RSRC1: variants seen among roughly 807,000 people sequenced by gnomAD.
RSRC1 encodes arginine and serine rich coiled-coil 1.
RSRC1 carries 39 observed loss-of-function variants against 49.1 expected under a neutral mutation model. That is an observed-to-expected ratio of 0.79 (90% CI 0.61 to 1.04). The LOEUF (loss-of-function observed/expected upper bound fraction) is 1.04, where lower values mean the gene tolerates loss of function less well. RSRC1 is among the 50% of genes least tolerant of loss of function. The pLI, the probability that RSRC1 is intolerant of heterozygous loss-of-function variation, is 0.00. For synonymous variants in RSRC1, 143 were observed against 130.8 expected, an observed-to-expected ratio of 1.09 and a Z score of -0.63; for missense variants, 388 against 402.4, an observed-to-expected ratio of 0.96 and a Z score of 0.31.
chr3:158,402,545 A>T (rs1733945324), intron 6 of RSRC1, among the ~76,000 whole-genome samples: 1 of 151,848 alleles, frequency 6.6e-6, no homozygotes, highest in Non-Finnish European at 1.5e-5. Context: ...CCTAAAAATA[A>T]ACTAGTAGAA....
At chr3:158,254,394 C>T (rs1432865672) in intron 4 of RSRC1, among the ~76,000 whole-genome samples, 8 of 152,024 alleles carry the variant, frequency 5.3e-5, no homozygotes, top group East Asian at 1.9e-4. Context: ...AGTGTAAAAG[C>T]GTTTCTATTT....
intron 6 of RSRC1, among the ~76,000 whole-genome samples, chr3:158,428,654 G>A (rs1735597738): frequency 6.6e-6 from 1 of 151,844 alleles, no homozygotes; most frequent in South Asian, 2.1e-4. Flanking sequence ...CTGCGAATTG[G>A]CACATAACGT....
At chr3:158,221,839 T>C (rs1578210969) in intron 4 of RSRC1, among the ~76,000 whole-genome samples, 1 of 151,660 alleles carries the variant, frequency 6.6e-6, no homozygotes, top group Non-Finnish European at 1.5e-5. Flanking sequence ...TACTTAATTT[T>C]TTTAAAAGAG....
chr3:158,257,845 A>G (rs1196337469), intron 4 of RSRC1, among the ~76,000 whole-genome samples: 1 of 152,142 alleles, frequency 6.6e-6, no homozygotes, highest in Admixed American at 6.5e-5. Context: ...TGAAAATAAT[A>G]TAACTCATTA....
Position 158,543,244 on chromosome 3 carries a change from T to C in RSRC1, c.760-91T>C, listed in dbSNP as rs1227166431. 5 of 1,175,464 alleles carry C rather than the reference T, an allele frequency of 4.3e-6. No homozygotes were observed. In the African/African-American group the frequency reaches 4.8e-5, roughly 11 times the overall value. The allele number at this position is 1,175,464 out of a possible 1,614,324, so 72.8% of individuals were successfully genotyped here. A position where few individuals can be genotyped will look rare whatever the true frequency, so the allele number is the denominator to read the frequency against. ...TGGGTATCATCTCAAAGGAGACTAATTGAACAGTTGTTATTCAAAATCAGA... is the reference window on the plus strand; with the variant it reads ...TGGGTATCATCTCAAAGGAGACTAACTGAACAGTTGTTATTCAAAATCAGA... On this transcript the variant is annotated intron_variant, in intron 8 of 9. Transcript: ENST00000611884.
intron 5 of RSRC1, among the ~76,000 whole-genome samples, chr3:158,311,420 C>T (rs568394940): frequency 1.3e-5 from 2 of 151,674 alleles, no homozygotes; most frequent in Admixed American, 1.3e-4. Flanking sequence ...TTTTTAAATC[C>T]AGCCTTTAAT....
At chr3:158,341,151 A>G (rs891175587) in intron 5 of RSRC1, among the ~76,000 whole-genome samples, 1 of 152,152 alleles carries the variant, frequency 6.6e-6, no homozygotes, top group Non-Finnish European at 1.5e-5. Flanking sequence ...CAGCCTGACT[A>G]CGCAATAGAA....
At chr3:158,137,631 CAA>C (rs1160561360) in intron 3 of RSRC1, among the ~76,000 whole-genome samples, 2 of 148,804 alleles carry the variant, frequency 1.3e-5, no homozygotes, top group Non-Finnish European at 3.0e-5. Flanking sequence ...TGTCTAGTGA[CAA>C]AATAGGTGAC....
intron 4 of RSRC1, among the ~76,000 whole-genome samples, chr3:158,279,418 A>G (rs1345642575): frequency 6.6e-6 from 1 of 152,258 alleles, no homozygotes; most frequent in Non-Finnish European, 1.5e-5. Flanking sequence ...CCAGACATTT[A>G]AGAATGTAAA....
chr3:158,117,880 T>TC, intron 1 of RSRC1, among the ~76,000 whole-genome samples: 1 of 150,058 alleles, frequency 6.7e-6, no homozygotes, highest in African/African-American at 2.5e-5. Context: ...TGTCTGTCTC[T>TC]TTTTCTTTCT....
chr3:158,258,692 T>C (rs1256927796), intron 4 of RSRC1, among the ~76,000 whole-genome samples: 1 of 152,174 alleles, frequency 6.6e-6, no homozygotes, highest in Non-Finnish European at 1.5e-5. Context: ...ATTTGCCCTT[T>C]TGGGGCTATT....
chr3:158,192,407 G>A (rs1416981651), intron 3 of RSRC1, among the ~76,000 whole-genome samples: 3 of 152,046 alleles, frequency 2.0e-5, no homozygotes, highest in African/African-American at 7.2e-5. Flanking sequence ...TTGGAAAATG[G>A]CAGGCATATG....
chr3:158,217,841 G>A (rs944534003), intron 4 of RSRC1, among the ~76,000 whole-genome samples: 1 of 151,400 alleles, frequency 6.6e-6, no homozygotes, highest in Non-Finnish European at 1.5e-5. Context: ...TAAGACATGT[G>A]TAGTGCTTTG....
chr3:158,335,152 A>G (rs560425983), intron 5 of RSRC1, among the ~76,000 whole-genome samples: 1 of 152,228 alleles, frequency 6.6e-6, no homozygotes, highest in Non-Finnish European at 1.5e-5. Flanking sequence ...ATTTTGCAAG[A>G]ATAGAGAGGT....
At chr3:158,150,732 G>A (rs1717478490) in intron 3 of RSRC1, among the ~76,000 whole-genome samples, 1 of 152,128 alleles carries the variant, frequency 6.6e-6, no homozygotes, top group Admixed American at 6.5e-5. Context: ...AATCTGTGGA[G>A]TTTTGGAAAT....
intron 6 of RSRC1, among the ~76,000 whole-genome samples, chr3:158,357,600 T>C (rs956491081): frequency 6.6e-6 from 1 of 152,168 alleles, no homozygotes; most frequent in African/African-American, 2.4e-5. Context: ...GTCAAGATTC[T>C]AGTTGTCTTT....
intron 4 of RSRC1, among the ~76,000 whole-genome samples, chr3:158,282,262 C>G (rs1726225087): frequency 6.6e-6 from 1 of 152,200 alleles, no homozygotes; most frequent in Non-Finnish European, 1.5e-5. Context: ...ATGCATTTGA[C>G]CTTGGTATCC....
chr3:158,460,735 A>C (rs1737565791), intron 6 of RSRC1, among the ~76,000 whole-genome samples, 200 bp from the exon 7 acceptor site: 1 of 151,912 alleles, frequency 6.6e-6, no homozygotes, highest in Non-Finnish European at 1.5e-5. Context: ...ATGAAGCTTC[A>C]AAAATTATAA....
intron 5 of RSRC1, among the ~76,000 whole-genome samples, chr3:158,343,199 AAT>A (rs1241743096): frequency 1.3e-5 from 2 of 152,210 alleles, no homozygotes; most frequent in Admixed American, 6.5e-5. Flanking sequence ...ATGGTATTTA[AAT>A]AGAGTATAAA....
Sources: allele counts gnomAD v4.1 joint callset (sites outside exome capture counted in the v4.1 genomes callset), GRCh38; gene constraint gnomAD v4.1.1; transcripts MANE v1.5; gene names NCBI Gene and HGNC (gene_info 2026-07-23, HGNC 2026-07-21).